The following ARHGEF6 variants were observed in gnomAD, a reference collection of about 807,000 sequenced individuals.
The protein encoded by ARHGEF6 is Rac/Cdc42 guanine nucleotide exchange factor 6, also known as rho guanine nucleotide exchange factor 6.
In ARHGEF6, 9 loss-of-function variants were observed where a neutral mutation model predicts 70.3. That is an observed-to-expected ratio of 0.13 (90% confidence interval 0.08 to 0.22). The LOEUF (loss-of-function observed/expected upper bound fraction) is 0.22, where lower values mean the gene tolerates loss of function less well. Ranked by LOEUF, ARHGEF6 falls within the 10% of genes least tolerant of loss-of-function variation. The pLI, the probability that ARHGEF6 is intolerant of heterozygous loss-of-function variation, is 1.00. For missense variants in ARHGEF6, 470 were observed against 563.0 expected (o/e 0.83, Z 1.67); for synonymous variants, 201 against 207.8 (o/e 0.97, Z 0.28).
At chrX:136,688,855 C>T (rs938213556) in intron 10 of ARHGEF6, among the ~76,000 whole-genome samples, 44 of 111,743 alleles carry the variant, frequency 3.9e-4, no homozygotes, top group African/African-American at 1.4e-3. Context: ...CTTGCAATTC[C>T]GAAAGTGGAC....
At chrX:136,704,649 G>A (rs1034742601) in intron 9 of ARHGEF6, among the ~76,000 whole-genome samples, 7 of 111,706 alleles carry the variant, frequency 6.3e-5, no homozygotes, top group African/African-American at 2.3e-4. Context: ...CAAGAGCGAC[G>A]GGGGAAGAGC....
rs777467519 is a variant in ARHGEF6 at position 136,676,803 on chromosome X, C to G, written c.1852-86G>C. On this transcript the variant is annotated intron_variant, in intron 17 of 21. Coordinates refer to ENST00000250617, the MANE Select transcript of ARHGEF6 (RefSeq NM_004840.3). The stretch of plus-strand genomic sequence containing the variant: ...ATGAATGAAACTAAGTAGAATTCCT[C>G]TCTCTTATTTTGACAGTCTCAGTTA... 2.8e-5 allele frequency: 18 copies of G among 651,366 alleles called. No individual in the cohort carries two copies. The South Asian group carries it at 3.7e-4, about 13-fold the overall frequency. The allele number at this position is 651,366 out of a possible 1,213,427, so 53.7% of individuals were successfully genotyped here.
intron 10 of ARHGEF6, among the ~76,000 whole-genome samples, chrX:136,689,433 AG>A (rs1485038990): frequency 2.7e-5 from 3 of 112,250 alleles, no homozygotes; most frequent in Non-Finnish European, 3.8e-5. Context: ...AACACTGAAA[AG>A]TAATAGAAAC....
At chrX:136,770,971 T>C (rs1208246847) in intron 2 of ARHGEF6, among the ~76,000 whole-genome samples, 1 of 112,807 alleles carries the variant, frequency 8.9e-6, no homozygotes, top group Non-Finnish European at 1.9e-5. Context: ...CACTCCAGCC[T>C]GGGCAACAGA....
chrX:136,713,469 C>T, intron 6 of ARHGEF6, 99 bp from the exon 7 acceptor site: 1 of 610,496 alleles, frequency 1.6e-6, no homozygotes, highest in South Asian at 2.5e-5. Context: ...AAAAAAGGTC[C>T]TATTTACTCA....
chrX:136,677,959 A>G lies in ARHGEF6; in HGVS notation c.1831-3T>C. The G allele has an allele frequency of 8.3e-7, 1 of 1,203,538 alleles. No homozygotes were observed. On this transcript the variant is annotated splice_polypyrimidine_tract_variant and splice_region_variant and intron_variant, in intron 16 of 21. Coordinates refer to ENST00000250617, the MANE Select transcript of ARHGEF6 (RefSeq NM_004840.3). The stretch of plus-strand genomic sequence containing the variant: ...ACCTTTAAGATATAAGACATCCTCT[A>G]AAATGAATATGTAAAGAAAGAGAAG...
chrX:136,767,809 A>G, intron 2 of ARHGEF6: 3 of 751,413 alleles, frequency 4.0e-6, no homozygotes, highest in Non-Finnish European at 4.7e-6. Flanking sequence ...TCGCAGAAGT[A>G]GGAACTGGAA....
At chrX:136,763,595 C>T (rs1038584553) in intron 2 of ARHGEF6, among the ~76,000 whole-genome samples, 4 of 112,107 alleles carry the variant, frequency 3.6e-5, no homozygotes, top group Admixed American at 2.8e-4. Flanking sequence ...GAAGCCAAGT[C>T]GGGTGGATCA....
chrX:136,721,159 A>G (rs958330740), intron 6 of ARHGEF6, among the ~76,000 whole-genome samples: 2 of 112,564 alleles, frequency 1.8e-5, no homozygotes, highest in Non-Finnish European at 3.8e-5. Flanking sequence ...AAATAAAAAT[A>G]AAACCAGTAT....
chrX:136,741,598 T>A (rs188429413), intron 5 of ARHGEF6, among the ~76,000 whole-genome samples: 1 of 108,977 alleles, frequency 9.2e-6, no homozygotes, highest in African/African-American at 3.3e-5. Context: ...AGGGCAGTGA[T>A]GAAAATAAAG....
chrX:136,727,374 TTTCTTTCTTTC>T (rs2076872089), intron 6 of ARHGEF6, among the ~76,000 whole-genome samples: 1 of 70,474 alleles, frequency 1.4e-5, no homozygotes, highest in Non-Finnish European at 2.6e-5. Flanking sequence ...TCTTTCTTTC[TTTCTTTCTTTC>T]TTTCTTTCTT....
intron 6 of ARHGEF6, among the ~76,000 whole-genome samples, chrX:136,722,587 CA>C (rs2076810116): frequency 9.0e-6 from 1 of 111,334 alleles, no homozygotes; most frequent in Non-Finnish European, 1.9e-5. Context: ...AAATGCTAAT[CA>C]AAACTACAAT....
chrX:136,773,028 T>C (rs1311473604), intron 2 of ARHGEF6, among the ~76,000 whole-genome samples: 1 of 111,552 alleles, frequency 9.0e-6, no homozygotes, highest in Non-Finnish European at 1.9e-5. Context: ...TGTAGCCATA[T>C]GAGAACACAC....
At chrX:136,704,827 G>A (rs1478576611) in intron 9 of ARHGEF6, among the ~76,000 whole-genome samples, 3 of 111,527 alleles carry the variant, frequency 2.7e-5, no homozygotes, top group African/African-American at 9.8e-5. Flanking sequence ...CATATCAGAT[G>A]CTCAATATCA....
chrX:136,779,315 G>T, intron 2 of ARHGEF6, 99 bp downstream of exon 2: 1 of 773,303 alleles, frequency 1.3e-6, no homozygotes, highest in Non-Finnish European at 2.0e-6. Context: ...TAACTCAGTG[G>T]CCAATGACAG....
intron 2 of ARHGEF6, among the ~76,000 whole-genome samples, chrX:136,778,490 CT>C (rs141921963): frequency 1.2e-3 from 119 of 101,960 alleles, no homozygotes; most frequent in East Asian, 1.2e-3. Flanking sequence ...TTATTTGATT[CT>C]TTTTTTTTTT....
intron 5 of ARHGEF6, among the ~76,000 whole-genome samples, chrX:136,735,027 C>G (rs972920916): frequency 8.9e-6 from 1 of 112,086 alleles, no homozygotes; most frequent in Non-Finnish European, 1.9e-5. Context: ...CAGTTAGCAT[C>G]TTACATAATG....
In ARHGEF6 at chrX:136,732,491, C is replaced by A. The variant is rs187682767; in HGVS notation, c.662-319G>T. ...CCATTCAACTTATTCAAAACAGATACGCAAAACCAATACTAGCCAAATGTA... is the reference window on the plus strand; with the variant it reads ...CCATTCAACTTATTCAAAACAGATAAGCAAAACCAATACTAGCCAAATGTA... On this transcript the variant is annotated intron_variant, in intron 5 of 21. Transcript: ENST00000250617. Among the ~76,000 whole-genome samples the A allele has an allele frequency of 4.5e-3, 503 of 112,274 alleles. 3 individuals are homozygous for A. The highest frequency in any genetic ancestry group is 8.4e-3 in the Non-Finnish European group (449 of 53,231).
chrX:136,767,609 C>A (rs1015070231), intron 2 of ARHGEF6: 28 of 753,181 alleles, frequency 3.7e-5, no homozygotes, highest in Non-Finnish European at 4.2e-5. Context: ...GGCTGCGAGC[C>A]GGGCGAGGGT....
Sources: gnomAD v4.1 joint callset for allele counts (sites outside exome capture counted in the v4.1 genomes callset) on GRCh38, gnomAD v4.1.1 for gene constraint, MANE v1.5 for transcripts, NCBI Gene and HGNC (gene_info 2026-07-23, HGNC 2026-07-21) for gene names.